The following APOBEC1 variants were observed in gnomAD, a reference collection of about 807,000 sequenced individuals.
APOBEC1 encodes the protein C->U-editing enzyme APOBEC-1.
Under a neutral mutation model 26.3 loss-of-function variants are expected in APOBEC1, and 22 were observed. That is an observed-to-expected ratio of 0.84 (90% CI 0.60 to 1.19). The LOEUF (loss-of-function observed/expected upper bound fraction) is 1.19, where lower values mean the gene tolerates loss of function less well. Ranked by LOEUF, APOBEC1 falls within the 50% of genes most tolerant of loss-of-function variation. The pLI, the probability that APOBEC1 is intolerant of heterozygous loss-of-function variation, is 0.00. For missense variants in APOBEC1, 253 were observed against 289.0 expected (o/e 0.88, Z 0.90); for synonymous variants, 77 against 95.3 (o/e 0.81, Z 1.12).
chr12:7,665,698 T>C (rs1863882324), intron 1 of APOBEC1, among the ~76,000 whole-genome samples, 159 bp downstream of exon 1: 1 of 150,896 alleles, frequency 6.6e-6, no homozygotes, highest in Non-Finnish European at 1.5e-5. Context: ...AAGACTAATA[T>C]ATTAATCAAT....
At chr12:7,665,806 C>CACACACACACACACACACACACACACACA (rs1555095783) in intron 1 of APOBEC1, 51 bp downstream of exon 1, 2 of 1,214,004 alleles carry the variant, frequency 1.6e-6, no homozygotes, top group Non-Finnish European at 2.4e-6. Flanking sequence ...CACACACACA[C>CACACACACACACACACACACACACACACA]CATTCTTGCA....
At chr12:7,656,595 G>A (rs2136844478) in intron 1 of APOBEC1, among the ~76,000 whole-genome samples, 1 of 152,268 alleles carries the variant, frequency 6.6e-6, no homozygotes, top group African/African-American at 2.4e-5. Flanking sequence ...TAGGGTCAGA[G>A]AAAAATGGGT....
At position 7,661,301 on chromosome 12, in the gene APOBEC1, T is replaced by C. The variant is rs767053664; in HGVS notation, c.16+4556A>G. 2.2e-4 allele frequency among the ~76,000 whole-genome samples: 34 copies of C among 151,384 alleles called. No homozygotes were observed. In the South Asian group the frequency reaches 6.9e-3, roughly 31 times the overall value. ...GGGGAAAGAGCTGAAAAACTTCCCA[T>C]TGGGTACTATGTTCACTATCTCGGT... On this transcript the variant is annotated intron_variant, in intron 1 of 4. Coordinates refer to ENST00000229304, the MANE Select transcript of APOBEC1 (RefSeq NM_001644.5).
At chr12:7,666,365 C>T (rs1373788729), upstream of APOBEC1, among the ~76,000 whole-genome samples, 1 of 151,520 alleles carries the variant, frequency 6.6e-6, no homozygotes, top group African/African-American at 2.4e-5. Flanking sequence ...ACAATCTTGG[C>T]TCACTGCAAC....
At chr12:7,666,107 A>G (rs761806647), upstream of APOBEC1, among the ~76,000 whole-genome samples, 6 of 152,296 alleles carry the variant, frequency 3.9e-5, no homozygotes, top group Non-Finnish European at 7.4e-5. Context: ...TGCAAATGAC[A>G]TGAATTTTGT....
chr12:7,657,205 C>T (rs945104753), intron 1 of APOBEC1, among the ~76,000 whole-genome samples: 2 of 152,118 alleles, frequency 1.3e-5, no homozygotes, highest in African/African-American at 4.8e-5. Flanking sequence ...AAGTTACTAC[C>T]CTTGAATTGA....
chr12:7,651,169 C>A, intron 3 of APOBEC1, 28 bp from the exon 4 acceptor site: 1 of 1,471,434 alleles, frequency 6.8e-7, no homozygotes, highest in Non-Finnish European at 9.5e-7. Flanking sequence ...TTGGCTCATT[C>A]AACAAGCACA....
intron 1 of APOBEC1, among the ~76,000 whole-genome samples, chr12:7,660,375 G>GGAAGGACAGAAAGAAA (rs61183510): frequency 4.2e-5 from 1 of 23,950 alleles, no homozygotes; most frequent in African/African-American, 1.3e-4. Context: ...AAGGAAGGAA[G>GGAAGGACAGAAAGAAA]GAAAGAAAGA....
intron 1 of APOBEC1, among the ~76,000 whole-genome samples, chr12:7,665,505 C>T (rs1166820799): frequency 1.3e-5 from 2 of 151,878 alleles, no homozygotes; most frequent in African/African-American, 4.8e-5. Flanking sequence ...ACCATGTTGG[C>T]CAGGCTGGTC....
chr12:7,662,843 G>C (rs1863839153), intron 1 of APOBEC1, among the ~76,000 whole-genome samples: 1 of 152,160 alleles, frequency 6.6e-6, no homozygotes, highest in African/African-American at 2.4e-5. Context: ...AAGTCAGCTT[G>C]GCTGGGTCGG....
At chr12:7,662,246 G>A (rs754268157) in intron 1 of APOBEC1, among the ~76,000 whole-genome samples, 2 of 152,088 alleles carry the variant, frequency 1.3e-5, no homozygotes, top group Non-Finnish European at 2.9e-5. Context: ...CTGGGCGACA[G>A]AGCAAGACGT....
chr12:7,664,625 G>T (rs1361890076), intron 1 of APOBEC1, among the ~76,000 whole-genome samples: 1 of 152,238 alleles, frequency 6.6e-6, no homozygotes, highest in African/African-American at 2.4e-5. Flanking sequence ...TCCAAAGTCT[G>T]CCCTTCTGGC....
At chr12:7,660,728 A>G (rs1306948234) in intron 1 of APOBEC1, among the ~76,000 whole-genome samples, 1 of 148,456 alleles carries the variant, frequency 6.7e-6, no homozygotes, top group Admixed American at 6.7e-5. Context: ...AGGGTATTTG[A>G]TGGAAAACTA....
intron 1 of APOBEC1, among the ~76,000 whole-genome samples, chr12:7,659,541 C>T (rs765503997): frequency 4.0e-5 from 6 of 151,798 alleles, no homozygotes; most frequent in African/African-American, 1.4e-4. Flanking sequence ...CGTGCACAGA[C>T]ACGCATGCAA....
At chr12:7,660,390 A>AGGAAGGAC (rs1565442438) in intron 1 of APOBEC1, among the ~76,000 whole-genome samples, 142 of 101,372 alleles carry the variant, frequency 1.4e-3, no homozygotes, top group Non-Finnish European at 2.5e-3. Flanking sequence ...GAAAGAAAGA[A>AGGAAGGAC]AGAAAGAAAG....
At chr12:7,657,356 T>C (rs1863731300) in intron 1 of APOBEC1, among the ~76,000 whole-genome samples, 2 of 152,184 alleles carry the variant, frequency 1.3e-5, no homozygotes, top group African/African-American at 4.8e-5. Context: ...TGAGGCTTTT[T>C]GCACCTTTAA....
chr12:7,649,908 T>G (rs904406537), intron 4 of APOBEC1, among the ~76,000 whole-genome samples: 3 of 151,924 alleles, frequency 2.0e-5, no homozygotes, highest in Non-Finnish European at 4.4e-5. Context: ...CTCAACCTCC[T>G]AGGCTCAAAC....
At chr12:7,654,703 A>C in intron 1 of APOBEC1, 71 bp from the exon 2 acceptor site, 1 of 1,422,258 alleles carries the variant, frequency 7.0e-7, no homozygotes, top group Non-Finnish European at 9.9e-7. Context: ...AAAGTGCTCT[A>C]TTATTCCAAA....
chr12:7,664,622 T>C (rs1270699394), intron 1 of APOBEC1, among the ~76,000 whole-genome samples: 1 of 152,216 alleles, frequency 6.6e-6, no homozygotes, highest in Non-Finnish European at 1.5e-5. Flanking sequence ...CGATCCAAAG[T>C]CTGCCCTTCT....
Sources: gnomAD v4.1 joint callset for allele counts (sites outside exome capture counted in the v4.1 genomes callset) on GRCh38, gnomAD v4.1.1 for gene constraint, MANE v1.5 for transcripts, NCBI Gene and HGNC (gene_info 2026-07-23, HGNC 2026-07-21) for gene names.